ST8SIA1: variants seen among roughly 807,000 people sequenced by gnomAD.
ST8SIA1 encodes alpha-N-acetylneuraminide alpha-2,8-sialyltransferase.
Under a neutral mutation model 35.9 loss-of-function variants are expected in ST8SIA1, and 16 were observed. The observed-to-expected ratio is 0.45, with a 90% CI of 0.30 to 0.68. The LOEUF (loss-of-function observed/expected upper bound fraction) is 0.68. ST8SIA1 is among the 30% of genes least tolerant of loss of function. ST8SIA1 has a pLI of 0.09. For synonymous variants in ST8SIA1, 170 were observed against 169.6 expected, an observed-to-expected ratio of 1.00 and a Z score of -0.02; for missense variants, 383 against 453.6, an observed-to-expected ratio of 0.84 and a Z score of 1.41.
intron 2 of ST8SIA1, among the ~76,000 whole-genome samples, chr12:22,277,139 A>G (rs927481898): frequency 2.6e-5 from 4 of 152,112 alleles, no homozygotes; most frequent in African/African-American, 7.2e-5. Flanking sequence ...CTTATTTTTA[A>G]TAATAAAACG....
rs768520633 is a variant in ST8SIA1 at position 22,287,174 on chromosome 12, T to C, written c.356A>G (p.Asn119Ser). 14 of 1,613,966 alleles carry C rather than the reference T, an allele frequency of 8.7e-6. No individual in the cohort carries two copies. In the South Asian group the frequency reaches 8.8e-5, roughly 10 times the overall value. Residue 119 changes from asparagine to serine, a missense_variant, in exon 2 of 5, where the codon AAT (asparagine) becomes AGT (serine). Asn to Ser is a conservative substitution (Grantham distance 46). Transcript: ENST00000396037. The stretch of plus-strand genomic sequence containing the variant: ...CTGTGGGAAGAGAGAGTAAGTTGAA[T>C]TGTCAATGGTGAATGAGTATAAAAA... ...GEFLYSFTID[N>S]STYSLFPQAT...
At chr12:22,280,338 C>A (rs866556970) in intron 2 of ST8SIA1, among the ~76,000 whole-genome samples, 12 of 152,246 alleles carry the variant, frequency 7.9e-5, no homozygotes, top group African/African-American at 2.9e-4. Flanking sequence ...GGTTCTCCTG[C>A]AGGGAAACAC....
intron 1 of ST8SIA1, among the ~76,000 whole-genome samples, chr12:22,287,998 C>G (rs1015546977): frequency 3.3e-5 from 5 of 152,186 alleles, no homozygotes; most frequent in African/African-American, 9.7e-5. Context: ...TTTCTCCCAG[C>G]TCCCTCAGTG....
chr12:22,296,742 G>A (rs1397504003), intron 1 of ST8SIA1, among the ~76,000 whole-genome samples: 1 of 152,194 alleles, frequency 6.6e-6, no homozygotes, highest in Non-Finnish European at 1.5e-5. Context: ...TTGGAGAGAT[G>A]CAATGAATTC....
At chr12:22,247,253 C>A (rs1331656893) in intron 4 of ST8SIA1, among the ~76,000 whole-genome samples, 1 of 152,080 alleles carries the variant, frequency 6.6e-6, no homozygotes, top group Non-Finnish European at 1.5e-5. Context: ...ATCTTCTGGT[C>A]CTCAATACAA....
chr12:22,231,378 CT>C (rs576724914), intron 4 of ST8SIA1, among the ~76,000 whole-genome samples: 17 of 147,018 alleles, frequency 1.2e-4, no homozygotes, highest in South Asian at 4.3e-4. Flanking sequence ...TTAGAATAAG[CT>C]TTTTTTTTTC....
chr12:22,225,660 A>G (rs1182727333), intron 4 of ST8SIA1, among the ~76,000 whole-genome samples: 1 of 152,210 alleles, frequency 6.6e-6, no homozygotes, highest in East Asian at 1.9e-4. Context: ...GGACAGACCA[A>G]TTAAGGCAAC....
intron 4 of ST8SIA1, among the ~76,000 whole-genome samples, chr12:22,221,112 C>G (rs1000709122): frequency 1.3e-5 from 2 of 152,142 alleles, no homozygotes; most frequent in African/African-American, 2.4e-5. Context: ...CAAGATGGCT[C>G]CCTCCTAGGC....
intron 1 of ST8SIA1, among the ~76,000 whole-genome samples, chr12:22,331,412 T>C (rs1000503896): frequency 2.5e-4 from 38 of 152,240 alleles, no homozygotes; most frequent in African/African-American, 7.2e-4. Flanking sequence ...TATGTATGTA[T>C]ACACATCTAT....
At chr12:22,290,969 G>A (rs1003480679) in intron 1 of ST8SIA1, among the ~76,000 whole-genome samples, 1 of 152,128 alleles carries the variant, frequency 6.6e-6, no homozygotes, top group Non-Finnish European at 1.5e-5. Context: ...TGTGAGTTGA[G>A]TACTGGAATT....
At chr12:22,295,500 A>C (rs1293648869) in intron 1 of ST8SIA1, among the ~76,000 whole-genome samples, 2 of 152,164 alleles carry the variant, frequency 1.3e-5, no homozygotes, top group African/African-American at 2.4e-5. Context: ...TAGGAAGCCA[A>C]GGCGGGAAGA....
At chr12:22,333,318 C>A (rs1180392177) in intron 1 of ST8SIA1, among the ~76,000 whole-genome samples, 1 of 152,216 alleles carries the variant, frequency 6.6e-6, no homozygotes, top group Admixed American at 6.5e-5. Flanking sequence ...GATGAAAAAT[C>A]CAGCACCCAC....
At position 22,198,553 on chromosome 12, in the gene ST8SIA1, AC is replaced by A; in HGVS notation, c.*2998del. On this transcript the variant is annotated 3_prime_UTR_variant, in exon 5 of 5. Transcript: ENST00000396037. ...CACACACACACACACACACACACAC[AC>A]ACACACACACACACTCCTATCTAAC... The A allele has an allele frequency of 6.5e-6, 1 of 153,052 alleles. No homozygotes were observed. Among genetic ancestry groups the A allele is most frequent in the South Asian group, 2.1e-4 (1 of 4,778 alleles). The allele number at this position is 153,052 out of a possible 1,614,324, so 9.5% of individuals were successfully genotyped here. A position where few individuals can be genotyped will look rare whatever the true frequency, so the allele number is the denominator to read the frequency against.
chr12:22,277,366 CTT>C lies in ST8SIA1; in HGVS notation c.381+9781_381+9782del, dbSNP rs34650104. 3.6e-3 allele frequency among the ~76,000 whole-genome samples: 453 copies of C among 124,788 alleles called. 2 individuals carry two copies. Among genetic ancestry groups the C allele is most frequent in the African/African-American group, 0.012 (386 of 32,630 alleles). 81.9% of individuals were successfully genotyped at this position (124,788 alleles called of 152,430 possible). On this transcript the variant is annotated intron_variant, in intron 2 of 4. Coordinates refer to ENST00000396037, the MANE Select transcript of ST8SIA1 (RefSeq NM_003034.4). The stretch of plus-strand genomic sequence containing the variant: ...AGAAAGGCAAATTCATAATAGTGAA[CTT>C]TTTTTTTTTTTTTTTTTTGAGATGG...
At chr12:22,288,463 CCTT>C (rs1866131372) in intron 1 of ST8SIA1, among the ~76,000 whole-genome samples, 3 of 152,300 alleles carry the variant, frequency 2.0e-5, no homozygotes, top group South Asian at 4.1e-4. Flanking sequence ...TAGGTGTTCT[CCTT>C]CTTATTGTCA....
rs1865046570 is a variant in ST8SIA1, at chr12:22,201,396, G to A, written c.*156C>T. On this transcript the variant is annotated 3_prime_UTR_variant, in exon 5 of 5. Coordinates refer to ENST00000396037, the MANE Select transcript of ST8SIA1 (RefSeq NM_003034.4). ...TTTCTTATTTGTCCTCCAAGCCAAC[G>A]CTGAAAGTAAAGTTTTGCTTGGATC... 4.9e-6 allele frequency: 5 copies of A among 1,014,100 alleles called. No homozygotes were observed. The highest frequency in any genetic ancestry group is 2.0e-5 in the South Asian group (1 of 50,166). 62.8% of individuals were successfully genotyped at this position (1,014,100 alleles called of 1,614,324 possible).
rs1336088358 is a variant in ST8SIA1, at chr12:22,199,666, C to T, written c.*1886G>A. The stretch of plus-strand genomic sequence containing the variant: ...TTTAAATTCTAATTTTTATAATAAC[C>T]TCACTATTTAATTGCATTTAGAAAT... On this transcript the variant is annotated 3_prime_UTR_variant, in exon 5 of 5. Coordinates refer to ENST00000396037, the MANE Select transcript of ST8SIA1 (RefSeq NM_003034.4). 2.0e-5 allele frequency: 3 copies of T among 152,030 alleles called. No individual in the cohort carries two copies. The highest frequency in any genetic ancestry group is 7.2e-5 in the African/African-American group (3 of 41,390). 9.4% of individuals were successfully genotyped at this position (152,030 alleles called of 1,614,324 possible).
chr12:22,313,816 A>G (rs866877589), intron 1 of ST8SIA1, among the ~76,000 whole-genome samples: 5 of 152,190 alleles, frequency 3.3e-5, no homozygotes, highest in African/African-American at 1.2e-4. Flanking sequence ...GGACTGACCA[A>G]TCAGTGTCCA....
chr12:22,297,007 C>T (rs770704582), intron 1 of ST8SIA1, among the ~76,000 whole-genome samples: 3 of 152,080 alleles, frequency 2.0e-5, no homozygotes, highest in African/African-American at 4.8e-5. Context: ...TGGGATGCAG[C>T]GGGGATGTCT....
Sources: gnomAD v4.1 joint callset for allele counts (sites outside exome capture counted in the v4.1 genomes callset) on GRCh38, gnomAD v4.1.1 for gene constraint, MANE v1.5 for transcripts, NCBI Gene and HGNC (gene_info 2026-07-23, HGNC 2026-07-21) for gene names.